The following USP47 variants were observed in gnomAD, a reference collection of about 807,000 sequenced individuals.
USP47 encodes the protein ubiquitin specific peptidase 47.
USP47 carries 35 observed loss-of-function variants against 165.1 expected under a neutral mutation model. The ratio of observed to expected loss-of-function variants is 0.21; its 90% CI spans 0.16 to 0.28. USP47 has a LOEUF of 0.28. Ranked by LOEUF, USP47 falls within the 10% of genes least tolerant of loss-of-function variation. The probability of loss-of-function intolerance (pLI) is 1.00; values close to 1 mark genes in which losing one functional copy is unlikely to be tolerated. For missense variants in USP47, 1,277 were observed against 1,607.4 expected, an observed-to-expected ratio of 0.79 and a Z score of 3.52; for synonymous variants, 531 against 544.5, an observed-to-expected ratio of 0.98 and a Z score of 0.35.
intron 6 of USP47, 21 bp downstream of exon 6, chr11:11,902,881 A>G (rs748222125): frequency 6.5e-7 from 1 of 1,535,218 alleles, no homozygotes; most frequent in African/African-American, 1.4e-5. Flanking sequence ...TCTTGTAATG[A>G]TAAGCGTTCT....
chr11:11,923,513 CT>C (rs1333780514), intron 11 of USP47, among the ~76,000 whole-genome samples: 3 of 152,114 alleles, frequency 2.0e-5, no homozygotes, highest in African/African-American at 7.2e-5. Flanking sequence ...GATCTTGCCC[CT>C]GTGTCAATAA....
At chr11:11,911,087 A>C (rs1852943651) in intron 8 of USP47, among the ~76,000 whole-genome samples, 1 of 152,228 alleles carries the variant, frequency 6.6e-6, no homozygotes, top group African/African-American at 2.4e-5. Context: ...CAAAATTAAA[A>C]ACCCAGTGGA....
At position 11,842,152 on chromosome 11, in the gene USP47, C is replaced by G. The variant is rs377184530; in HGVS notation, c.-34C>G. ...AGCCGCCGCCACCCTCCACCCTCCCCCGGCAGGGCGGAGAGGAGCGGCCGG... is the reference window on the plus strand; with the variant it reads ...AGCCGCCGCCACCCTCCACCCTCCCGCGGCAGGGCGGAGAGGAGCGGCCGG... On this transcript the variant is annotated 5_prime_UTR_variant, in exon 1 of 28. Coordinates refer to ENST00000527733, the MANE Select transcript of USP47 (RefSeq NM_001282659.2). 1.3e-6 allele frequency: 2 copies of G among 1,550,944 alleles called. No homozygotes were observed. The highest frequency in any genetic ancestry group is 2.7e-5 in the African/African-American group (2 of 73,052).
At chr11:11,877,811 G>T (rs1017346822) in intron 1 of USP47, among the ~76,000 whole-genome samples, 22 of 44,802 alleles carry the variant, frequency 4.9e-4, no homozygotes, top group Non-Finnish European at 7.2e-4. Context: ...CTCTCTGTGT[G>T]TGTGTGTGTG....
At chr11:11,886,790 G>A (rs906402725) in intron 3 of USP47, among the ~76,000 whole-genome samples, 5 of 152,012 alleles carry the variant, frequency 3.3e-5, no homozygotes, top group Admixed American at 2.0e-4. Flanking sequence ...GACAATAATC[G>A]TCAGACTCTC....
At chr11:11,850,967 T>C (rs1350480633) in intron 1 of USP47, among the ~76,000 whole-genome samples, 2 of 152,210 alleles carry the variant, frequency 1.3e-5, no homozygotes, top group Non-Finnish European at 2.9e-5. Flanking sequence ...ATGAGGGCCC[T>C]GCCTTCTTGA....
chr11:11,871,411 G>A (rs1850036194), intron 1 of USP47, among the ~76,000 whole-genome samples: 2 of 146,118 alleles, frequency 1.4e-5, no homozygotes, highest in Middle Eastern at 3.4e-3. Flanking sequence ...GCTGAGGCAG[G>A]AGAATTGCTT....
intron 2 of USP47, among the ~76,000 whole-genome samples, chr11:11,884,021 A>G (rs780754479): frequency 9.9e-5 from 15 of 152,102 alleles, no homozygotes; most frequent in Non-Finnish European, 2.2e-4. Flanking sequence ...GTTGCTTAGT[A>G]TGTTGCTTAT....
chr11:11,935,218 G>A (rs79508123), intron 16 of USP47, among the ~76,000 whole-genome samples: 2,185 of 152,080 alleles, frequency 0.014, 44 homozygotes, highest in African/African-American at 0.05. Context: ...TAATATTACT[G>A]CCCCTCACTA....
chr11:11,894,731 G>T (rs1275720331), intron 4 of USP47, among the ~76,000 whole-genome samples: 2 of 152,132 alleles, frequency 1.3e-5, no homozygotes, highest in Admixed American at 6.5e-5. Context: ...ACTTCCTGTG[G>T]CTCTCTGAGG....
At chr11:11,927,226 A>T (rs1854314864) in intron 11 of USP47, among the ~76,000 whole-genome samples, 1 of 151,458 alleles carries the variant, frequency 6.6e-6, no homozygotes, top group Admixed American at 6.6e-5. Flanking sequence ...TCCCCTGAAG[A>T]TTTTTTTGTC....
chr11:11,869,008 A>G (rs189821712), intron 1 of USP47, among the ~76,000 whole-genome samples: 113 of 151,998 alleles, frequency 7.4e-4, no homozygotes, highest in Non-Finnish European at 1.3e-3. Context: ...AGTTCTTTAT[A>G]TATTCTAGAT....
intron 18 of USP47, 130 bp from the exon 19 acceptor site, chr11:11,940,299 C>T: frequency 4.4e-6 from 4 of 914,580 alleles, no homozygotes; most frequent in Non-Finnish European, 4.5e-6. Flanking sequence ...AATTTTAAAA[C>T]CTCTACTAAA....
At chr11:11,890,757 A>T (rs1206141568) in intron 3 of USP47, among the ~76,000 whole-genome samples, 1 of 152,182 alleles carries the variant, frequency 6.6e-6, no homozygotes, top group Admixed American at 6.5e-5. Context: ...CATGGAATCA[A>T]CCTAAATGCC....
intron 5 of USP47, among the ~76,000 whole-genome samples, chr11:11,898,691 C>T (rs771077116): frequency 1.3e-5 from 2 of 152,116 alleles, no homozygotes; most frequent in Non-Finnish European, 2.9e-5. Flanking sequence ...CATTTAAAGA[C>T]AGCCAAATAC....
intron 11 of USP47, among the ~76,000 whole-genome samples, chr11:11,925,353 C>A (rs1026454612): frequency 6.6e-6 from 1 of 152,062 alleles, no homozygotes; most frequent in African/African-American, 2.4e-5. Flanking sequence ...CATGATCCAC[C>A]CACCTCGGCC....
At chr11:11,949,858 A>G in intron 22 of USP47, 31 bp from the exon 23 acceptor site, 4 of 1,463,224 alleles carry the variant, frequency 2.7e-6, no homozygotes, top group Non-Finnish European at 3.8e-6. Context: ...GGTATAATTC[A>G]AGCTCTGATT....
chr11:11,842,131 G>A lies in USP47; in HGVS notation c.-55G>A, dbSNP rs1256073135. On this transcript the variant is annotated 5_prime_UTR_variant, in exon 1 of 28. Coordinates refer to ENST00000527733, the MANE Select transcript of USP47 (RefSeq NM_001282659.2). ...CCATTCTCTCTTGAGCTAGCGAGCC[G>A]CCGCCACCCTCCACCCTCCCCCGGC... 6.5e-7 allele frequency: 1 copy of A among 1,546,246 alleles called. No individual in the cohort carries two copies. The highest frequency in any genetic ancestry group is 8.7e-7 in the Non-Finnish European group (1 of 1,144,190).
At chr11:11,943,441 T>A (rs915550108) in intron 20 of USP47, 4 of 166,592 alleles carry the variant, frequency 2.4e-5, no homozygotes, top group Non-Finnish European at 3.9e-5. Flanking sequence ...TTTAGAAAAT[T>A]TGATATTCAA....
Sources: allele counts gnomAD v4.1 joint callset (sites outside exome capture counted in the v4.1 genomes callset), GRCh38; gene constraint gnomAD v4.1.1; transcripts MANE v1.5; gene names NCBI Gene and HGNC (gene_info 2026-07-23, HGNC 2026-07-21).